The following PSD3 variants were observed in gnomAD, a reference collection of about 807,000 sequenced individuals.
PSD3 encodes pleckstrin and Sec7 domain containing 3.
PSD3 carries 49 observed loss-of-function variants against 105.5 expected under a neutral mutation model. The ratio of observed to expected loss-of-function variants is 0.46; its 90% CI spans 0.37 to 0.59. The LOEUF is 0.59. PSD3 is among the 20% of genes least tolerant of loss of function. PSD3 has a pLI of 0.00. For missense variants in PSD3, 1,561 were observed against 1,263.8 expected (o/e 1.24, Z -3.57); for synonymous variants, 557 against 457.8 (o/e 1.22, Z -2.77).
At position 19,006,260 on chromosome 8, in the gene PSD3, C is replaced by A. The variant is rs374664252; in HGVS notation, c.21+7303G>T. On this transcript the variant is annotated intron_variant, in intron 1 of 15. Transcript: ENST00000327040. Reference sequence around the variant, plus strand: ...GTGAGCCGAGATCACGCCATTGCACCCCCGGCCTGGGTGACAAGAGCGAAA... The same window carrying A: ...GTGAGCCGAGATCACGCCATTGCACACCCGGCCTGGGTGACAAGAGCGAAA... 1.8e-3 allele frequency among the ~76,000 whole-genome samples: 271 copies of A among 149,374 alleles called. 3 individuals are homozygous for A. Among genetic ancestry groups the A allele is most frequent in the African/African-American group, 6.4e-3 (261 of 40,636 alleles).
intron 1 of PSD3, among the ~76,000 whole-genome samples, chr8:18,953,963 T>C (rs1166716471): frequency 1.3e-5 from 2 of 152,000 alleles, no homozygotes; most frequent in African/African-American, 4.8e-5. Flanking sequence ...ATAGTACAAG[T>C]ACAAACTGCA....
At chr8:18,693,784 C>G (rs930458393) in intron 9 of PSD3, among the ~76,000 whole-genome samples, 25 of 152,196 alleles carry the variant, frequency 1.6e-4, no homozygotes, top group African/African-American at 5.5e-4. Flanking sequence ...TCAAAATAGC[C>G]TCCTCCTCCA....
intron 1 of PSD3, among the ~76,000 whole-genome samples, chr8:19,026,930 A>G (rs1169014210): frequency 6.6e-6 from 1 of 151,980 alleles, no homozygotes; most frequent in Non-Finnish European, 1.5e-5. Flanking sequence ...TACTGAATGA[A>G]TGAGTGAGTG....
At chr8:18,834,908 C>T (rs1813978466) in intron 4 of PSD3, among the ~76,000 whole-genome samples, 2 of 151,884 alleles carry the variant, frequency 1.3e-5, no homozygotes, top group African/African-American at 4.8e-5. Flanking sequence ...AGAGTCTAGA[C>T]CAAAACAGAT....
intron 1 of PSD3, among the ~76,000 whole-genome samples, chr8:19,038,543 C>G (rs1294393568): frequency 6.6e-6 from 1 of 152,214 alleles, no homozygotes; most frequent in African/African-American, 2.4e-5. Flanking sequence ...TTACTGCAGT[C>G]TTAACCTCCT....
chr8:18,970,848 GGGAGGCTGTAGTCCCAAC>G (rs1824605510), intron 1 of PSD3, among the ~76,000 whole-genome samples: 1 of 151,850 alleles, frequency 6.6e-6, no homozygotes, highest in Non-Finnish European at 1.5e-5. Context: ...CCAACTACTT[GGGAGGCTGTAGTCCCAAC>G]TACTTGGGAG....
At chr8:18,852,257 T>C (rs924849719) in intron 4 of PSD3, among the ~76,000 whole-genome samples, 3 of 152,146 alleles carry the variant, frequency 2.0e-5, no homozygotes, top group Admixed American at 1.3e-4. Context: ...CTACAAGTGA[T>C]AGACCAGGAA....
At chr8:18,690,208 A>G (rs952312917) in intron 9 of PSD3, among the ~76,000 whole-genome samples, 2 of 152,192 alleles carry the variant, frequency 1.3e-5, no homozygotes, top group Non-Finnish European at 2.9e-5. Flanking sequence ...CCAATAGCGT[A>G]GGAACTGGTC....
intron 10 of PSD3, among the ~76,000 whole-genome samples, chr8:18,640,284 G>C (rs191517791): frequency 6.6e-6 from 1 of 152,008 alleles, no homozygotes; most frequent in African/African-American, 2.4e-5. Flanking sequence ...CTAAGATATG[G>C]AGCAGGTACC....
At chr8:18,774,844 C>G (rs1158794272) in intron 8 of PSD3, 2 of 455,772 alleles carry the variant, frequency 4.4e-6, no homozygotes, top group Non-Finnish European at 8.8e-6. Context: ...ACAGGTCTAC[C>G]TTCAGGTTGT....
intron 10 of PSD3, among the ~76,000 whole-genome samples, chr8:18,641,575 T>C (rs1447525586): frequency 6.6e-6 from 1 of 152,146 alleles, no homozygotes; most frequent in African/African-American, 2.4e-5. Context: ...GTGATGGAAA[T>C]GGGGTGATAA....
intron 1 of PSD3, among the ~76,000 whole-genome samples, chr8:18,990,456 G>C (rs538960872): frequency 6.6e-6 from 1 of 152,250 alleles, no homozygotes; most frequent in South Asian, 2.1e-4. Flanking sequence ...CCTCTGTACG[G>C]CATATGCTTC....
intron 9 of PSD3, among the ~76,000 whole-genome samples, chr8:18,671,915 G>A (rs1799809668): frequency 6.6e-6 from 1 of 152,192 alleles, no homozygotes; most frequent in South Asian, 2.1e-4. Context: ...ACAGGCGTGA[G>A]CCACTGCGCC....
At chr8:18,633,417 G>A (rs758029857) in intron 10 of PSD3, among the ~76,000 whole-genome samples, 8 of 151,950 alleles carry the variant, frequency 5.3e-5, no homozygotes, top group African/African-American at 1.4e-4. Flanking sequence ...TTTCTCAACC[G>A]CCATAAAAAT....
intron 10 of PSD3, among the ~76,000 whole-genome samples, chr8:18,651,362 A>T (rs1459787373): frequency 2.6e-5 from 4 of 152,264 alleles, no homozygotes; most frequent in Non-Finnish European, 5.9e-5. Flanking sequence ...TCTAACATCC[A>T]CATCAAGATG....
chr8:18,883,408 C>A (rs1818250287), intron 2 of PSD3, among the ~76,000 whole-genome samples: 1 of 152,150 alleles, frequency 6.6e-6, no homozygotes, highest in Non-Finnish European at 1.5e-5. Flanking sequence ...ACCCCGGTCC[C>A]TTTCCAAGAG....
chr8:18,575,616 G>T (rs969142513), intron 12 of PSD3, among the ~76,000 whole-genome samples: 1 of 152,120 alleles, frequency 6.6e-6, no homozygotes, highest in African/African-American at 2.4e-5. Context: ...ATAATGAACA[G>T]AAATGAGACT....
intron 9 of PSD3, among the ~76,000 whole-genome samples, chr8:18,712,342 A>G (rs1181977821): frequency 2.0e-5 from 3 of 152,048 alleles, no homozygotes; most frequent in Non-Finnish European, 2.9e-5. Context: ...TGAATCCCAG[A>G]GCTGGTTTTT....
chr8:18,750,815 G>A (rs895145132), intron 9 of PSD3, among the ~76,000 whole-genome samples: 2 of 152,142 alleles, frequency 1.3e-5, no homozygotes, highest in Admixed American at 6.5e-5. Flanking sequence ...GACACAGAGT[G>A]TCGATTGGTG....
Sources: gnomAD v4.1 joint callset for allele counts (sites outside exome capture counted in the v4.1 genomes callset) on GRCh38, gnomAD v4.1.1 for gene constraint, MANE v1.5 for transcripts, NCBI Gene and HGNC (gene_info 2026-07-23, HGNC 2026-07-21) for gene names.